MKRN2: variants seen among roughly 807,000 people sequenced by gnomAD.
The protein encoded by MKRN2 is makorin ring finger protein 2.
In MKRN2, 32 loss-of-function variants were observed where a neutral mutation model predicts 45.4. The observed-to-expected ratio is 0.70, with a 90% CI of 0.53 to 0.95. The LOEUF (loss-of-function observed/expected upper bound fraction) is 0.95, where lower values mean the gene tolerates loss of function less well. Among genes scored for constraint, MKRN2 ranks in the 40% least tolerant of loss-of-function variants. MKRN2 has a pLI of 0.00. For missense variants in MKRN2, 526 were observed against 536.7 expected, an observed-to-expected ratio of 0.98 and a Z score of 0.20; for synonymous variants, 206 against 192.4, an observed-to-expected ratio of 1.07 and a Z score of -0.59.
intron 6 of MKRN2, among the ~76,000 whole-genome samples, chr3:12,579,754 C>T (rs2058165735): frequency 6.6e-6 from 1 of 152,100 alleles, no homozygotes. Flanking sequence ...GTGGTGGGAC[C>T]TACAGACTGG....
At chr3:12,569,522 G>A (rs1292616694) in intron 2 of MKRN2, among the ~76,000 whole-genome samples, 1 of 152,062 alleles carries the variant, frequency 6.6e-6, no homozygotes, top group Non-Finnish European at 1.5e-5. Flanking sequence ...TTATAAAATT[G>A]TACACAATTC....
chr3:12,565,953 G>A (rs1300476786), intron 1 of MKRN2, among the ~76,000 whole-genome samples: 1 of 151,970 alleles, frequency 6.6e-6, no homozygotes, highest in Non-Finnish European at 1.5e-5. Context: ...CTCACTGCAG[G>A]CTCTCTCCTT....
chr3:12,576,869 A>G (rs2058140986), intron 6 of MKRN2, 128 bp downstream of exon 6: 3 of 502,784 alleles, frequency 6.0e-6, no homozygotes, highest in Non-Finnish European at 1.1e-5. Flanking sequence ...CTCAGGCACC[A>G]TGCTGGGCTC....
chr3:12,581,108 C>T (rs1008394491), intron 6 of MKRN2, among the ~76,000 whole-genome samples: 1 of 151,970 alleles, frequency 6.6e-6, no homozygotes, highest in Non-Finnish European at 1.5e-5. Flanking sequence ...GGGCAGGGTT[C>T]TTAACATAGA....
intron 6 of MKRN2, among the ~76,000 whole-genome samples, chr3:12,579,895 G>C (rs966730457): frequency 5.9e-5 from 9 of 152,074 alleles, no homozygotes; most frequent in African/African-American, 1.9e-4. Context: ...AAGTCCAGGG[G>C]AGACATAGGG....
In MKRN2 at chr3:12,567,265, C is replaced by T. The variant is rs1474697984; in HGVS notation, c.27-1610C>T. Among the ~76,000 whole-genome samples, 7 of 149,426 alleles carry T rather than the reference C, an allele frequency of 4.7e-5. No homozygotes were observed. In the South Asian group the frequency reaches 1.5e-3, roughly 31 times the overall value. On this transcript the variant is annotated intron_variant, in intron 1 of 7. Transcript: ENST00000170447. ...TGTCTAAAATACTTCTACTCTAACA[C>T]TAGTTTACTTTTTTTTTTTCTTTTG...
chr3:12,576,420 T>A (rs1423467735), intron 5 of MKRN2, among the ~76,000 whole-genome samples: 1 of 152,122 alleles, frequency 6.6e-6, no homozygotes, highest in African/African-American at 2.4e-5. Flanking sequence ...CGGTGTGTGA[T>A]GTTCCCCCAC....
At chr3:12,575,780 G>A (rs963429717) in intron 5 of MKRN2, among the ~76,000 whole-genome samples, 2 of 152,096 alleles carry the variant, frequency 1.3e-5, no homozygotes, top group Non-Finnish European at 2.9e-5. Context: ...TAGAATTTGG[G>A]GCCTTTTGTG....
chr3:12,579,314 G>A lies in MKRN2; in HGVS notation c.969-2494G>A, dbSNP rs142452275. On this transcript the variant is annotated intron_variant, in intron 6 of 7. Transcript: ENST00000170447. ...CGAGTAGCTGGGATTACAGGTGTGC[G>A]CCACGACACCCAGCTAATTTTTGTA... Among the ~76,000 whole-genome samples the A allele has an allele frequency of 7.6e-3, 1,152 of 152,160 alleles. 14 individuals are homozygous for A. Among genetic ancestry groups the A allele is most frequent in the African/African-American group, 0.026 (1,088 of 41,498 alleles).
intron 1 of MKRN2, 53 bp downstream of exon 1, chr3:12,557,229 G>T: frequency 6.6e-7 from 1 of 1,518,134 alleles, no homozygotes; most frequent in African/African-American, 1.4e-5. Context: ...CCGCAGGGGG[G>T]CCGGTGCGCG....
chr3:12,578,592 C>T (rs1157859557), intron 6 of MKRN2, among the ~76,000 whole-genome samples: 2 of 152,094 alleles, frequency 1.3e-5, no homozygotes, highest in Non-Finnish European at 2.9e-5. Flanking sequence ...GCTGGGATTA[C>T]AGATGTGAGC....
intron 1 of MKRN2, among the ~76,000 whole-genome samples, chr3:12,564,555 T>G (rs928508789): frequency 1.3e-5 from 2 of 152,222 alleles, no homozygotes; most frequent in Non-Finnish European, 2.9e-5. Context: ...GTTATGTCCC[T>G]TGTGTTCTGT....
At position 12,582,465 on chromosome 3, in the gene MKRN2, T is replaced by G. The variant is rs532253345; in HGVS notation, c.*212T>G. ...AACCTAATTAAATGTATGGAATTGC[T>G]ATTTTTATAGCTGATATAGTTACAC... On this transcript the variant is annotated 3_prime_UTR_variant, in exon 8 of 8. Coordinates refer to ENST00000170447, the MANE Select transcript of MKRN2 (RefSeq NM_014160.5). 1.7e-6 allele frequency: 1 copy of G among 579,218 alleles called. No individual in the cohort carries two copies. Among genetic ancestry groups the G allele is most frequent in the African/African-American group, 1.9e-5 (1 of 54,008 alleles). 35.9% of individuals were successfully genotyped at this position (579,218 alleles called of 1,614,324 possible).
At chr3:12,571,570 C>T (rs1284029470) in intron 3 of MKRN2, among the ~76,000 whole-genome samples, 2 of 152,224 alleles carry the variant, frequency 1.3e-5, no homozygotes, top group African/African-American at 4.8e-5. Flanking sequence ...GGGAAGGCAG[C>T]AGCTCCTGGC....
At chr3:12,576,935 T>C (rs1161714193) in intron 6 of MKRN2, 194 bp downstream of exon 6, 1 of 164,544 alleles carries the variant, frequency 6.1e-6, no homozygotes, top group East Asian at 1.4e-4. Context: ...GTTTTGGTGT[T>C]TTTTTTTTTT....
intron 5 of MKRN2, among the ~76,000 whole-genome samples, chr3:12,575,856 C>T (rs2058131659): frequency 6.6e-6 from 1 of 152,126 alleles, no homozygotes; most frequent in African/African-American, 2.4e-5. Context: ...TGCCAGAGTC[C>T]CCTTCTCCTG....
At chr3:12,575,233 C>G (rs779185458) in intron 5 of MKRN2, among the ~76,000 whole-genome samples, 10 of 152,164 alleles carry the variant, frequency 6.6e-5, no homozygotes, top group African/African-American at 2.4e-4. Context: ...TGGGGAGGAA[C>G]TCAGCAAAGA....
chr3:12,559,935 C>T (rs1232130336), intron 1 of MKRN2, among the ~76,000 whole-genome samples: 1 of 152,078 alleles, frequency 6.6e-6, no homozygotes, highest in African/African-American at 2.4e-5. Context: ...ACCTAGGGGG[C>T]TTTTGATTCT....
At chr3:12,560,478 T>TAA (rs10651248) in intron 1 of MKRN2, among the ~76,000 whole-genome samples, 41,284 of 124,702 alleles carry the variant, frequency 0.33, 8,581 homozygotes, top group African/African-American at 0.6. Context: ...TAGGAAAATG[T>TAA]AAAAAAAAAA....
Sources: allele counts gnomAD v4.1 joint callset (sites outside exome capture counted in the v4.1 genomes callset), GRCh38; gene constraint gnomAD v4.1.1; transcripts MANE v1.5; gene names NCBI Gene and HGNC (gene_info 2026-07-23, HGNC 2026-07-21).